The following NAPEPLD variants were observed in gnomAD, a reference collection of about 807,000 sequenced individuals.
NAPEPLD encodes N-acyl-phosphatidylethanolamine-hydrolyzing phospholipase D.
Under a neutral mutation model 38.1 loss-of-function variants are expected in NAPEPLD, and 23 were observed. The observed-to-expected ratio is 0.60, with a 90% CI of 0.43 to 0.86. NAPEPLD has a LOEUF of 0.86. Ranked by LOEUF, NAPEPLD falls within the 40% of genes least tolerant of loss-of-function variation. The pLI is 0.00. For missense variants in NAPEPLD, 411 were observed against 476.8 expected (o/e 0.86, Z 1.28); for synonymous variants, 147 against 162.0 (o/e 0.91, Z 0.71).
At position 103,103,528 on chromosome 7, in the gene NAPEPLD, C is replaced by T; in HGVS notation, c.1083G>A (p.Leu361=). The T allele has an allele frequency of 6.3e-7, 1 of 1,592,880 alleles. No homozygotes were observed. The highest frequency in any genetic ancestry group is 8.5e-7 in the Non-Finnish European group (1 of 1,174,460). ...GTCCGTATCTCTCTAGAGCTTCATT[C>T]AGCTTCACTGGAGGCTCTAAGTAAT... ...NEHYLEPPVK[L]NEALERYGLN... is the part of the protein sequence containing the mutation. Residue 361 remains leucine (L), a synonymous_variant, in exon 5 of 5, where the codon CTG becomes CTA. Transcript: ENST00000465647.
intron 1 of NAPEPLD, among the ~76,000 whole-genome samples, chr7:103,133,045 A>T (rs1325371131): frequency 2.6e-5 from 4 of 152,212 alleles, no homozygotes; most frequent in Admixed American, 2.6e-4. Flanking sequence ...TTAAAAAACA[A>T]AAAACAAAAA....
chr7:103,100,902 A>G lies in NAPEPLD; in HGVS notation c.*2527T>C, dbSNP rs1802302755. ...TCAGTGTAGAAAGAACATGAGTGGTAATAAAAAATTACAGCTTACAAAAGG... is the reference window on the plus strand; with the variant it reads ...TCAGTGTAGAAAGAACATGAGTGGTGATAAAAAATTACAGCTTACAAAAGG... On this transcript the variant is annotated 3_prime_UTR_variant, in exon 5 of 5. Coordinates refer to ENST00000465647, the MANE Select transcript of NAPEPLD (RefSeq NM_001122838.3). 1.3e-5 allele frequency: 2 copies of G among 152,218 alleles called. No homozygotes were observed. The highest frequency in any genetic ancestry group is 1.3e-4 in the Admixed American group (2 of 15,280). 9.4% of individuals were successfully genotyped at this position (152,218 alleles called of 1,614,324 possible).
In NAPEPLD at chr7:103,148,956, C is replaced by A; in HGVS notation, c.-162G>T. 1 of 985,400 alleles carries A rather than the reference C, an allele frequency of 1.0e-6. No individual in the cohort carries two copies. Among genetic ancestry groups the A allele is most frequent in the Non-Finnish European group, 1.2e-6 (1 of 829,932 alleles). The allele number at this position is 985,400 out of a possible 1,614,324, so 61.0% of individuals were successfully genotyped here. On this transcript the variant is annotated 5_prime_UTR_variant, in exon 1 of 5. Transcript: ENST00000465647. ...CTTCAGAGATGCAGGCTCCGCAACTCGCGAGGTGCGAAAATTCAAATGAAG... is the reference window on the plus strand; with the variant it reads ...CTTCAGAGATGCAGGCTCCGCAACTAGCGAGGTGCGAAAATTCAAATGAAG...
At chr7:103,144,239 T>C (rs1302356628) in intron 1 of NAPEPLD, among the ~76,000 whole-genome samples, 1 of 152,216 alleles carries the variant, frequency 6.6e-6, no homozygotes, top group Non-Finnish European at 1.5e-5. Context: ...CTAAAGTTAG[T>C]AGCATTTTGC....
At chr7:103,148,001 C>T (rs1585915656) in intron 1 of NAPEPLD, 3 of 984,046 alleles carry the variant, frequency 3.0e-6, no homozygotes, top group Non-Finnish European at 3.6e-6. Context: ...TTTCTTGCAA[C>T]AAAAATCACA....
At chr7:103,114,917 T>C (rs1158927444) in intron 4 of NAPEPLD, 143 bp downstream of exon 4, 1 of 610,198 alleles carries the variant, frequency 1.6e-6, no homozygotes, top group African/African-American at 1.9e-5. Flanking sequence ...TAGTATGATT[T>C]ACCACCCTAA....
chr7:103,125,696 A>C (rs1000968466), intron 2 of NAPEPLD, among the ~76,000 whole-genome samples: 2 of 151,838 alleles, frequency 1.3e-5, no homozygotes, highest in Admixed American at 1.3e-4. Context: ...CAGCCTGGCC[A>C]AACATGGTGA....
In NAPEPLD at chr7:103,103,174, T is replaced by G. The variant is rs1329481904; in HGVS notation, c.*255A>C. The G allele has an allele frequency of 1.1e-5, 3 of 272,152 alleles. No homozygotes were observed. Among genetic ancestry groups the G allele is most frequent in the African/African-American group, 2.2e-5 (1 of 45,426 alleles). The allele number at this position is 272,152 out of a possible 1,614,324, so 16.9% of individuals were successfully genotyped here. On this transcript the variant is annotated 3_prime_UTR_variant, in exon 5 of 5. Transcript: ENST00000465647. Reference sequence around the variant, plus strand: ...AGTAAAAACATTTCCATTGCAGTGCTTATATCATGATATGAAATTTAAAAT... The same window carrying G: ...AGTAAAAACATTTCCATTGCAGTGCGTATATCATGATATGAAATTTAAAAT...
rs570878958 is a variant in NAPEPLD, at chr7:103,120,903, G to A, written c.295-680C>T. 1.3e-4 allele frequency among the ~76,000 whole-genome samples: 19 copies of A among 151,418 alleles called. No individual in the cohort carries two copies. In the South Asian group the frequency reaches 4.0e-3, roughly 32 times the overall value. On this transcript the variant is annotated intron_variant, in intron 2 of 4. Transcript: ENST00000465647. ...AATTTTTTATTTTTTGTAGAGACAG[G>A]GTCTCATTATGTTGCCCAGATTGAT...
At chr7:103,127,846 A>G (rs1487979321) in intron 2 of NAPEPLD, 1 of 152,322 alleles carries the variant, frequency 6.6e-6, no homozygotes, top group Non-Finnish European at 1.5e-5. Flanking sequence ...CATGAAATCA[A>G]CTTAACCCAA....
At position 103,120,019 on chromosome 7, in the gene NAPEPLD, G is replaced by A. The variant is rs779238523; in HGVS notation, c.499C>T (p.Arg167Cys). 8.1e-6 allele frequency: 13 copies of A among 1,614,056 alleles called. No individual in the cohort carries two copies. In the African/African-American group the frequency reaches 9.3e-5, roughly 12 times the overall value. Residue 167 changes from arginine (R) to cysteine (C), a missense_variant, in exon 3 of 5, where the codon CGT (arginine) becomes TGT (cysteine). Physicochemically the swap from Arg to Cys is radical, Grantham distance 180. Coordinates refer to ENST00000465647, the MANE Select transcript of NAPEPLD (RefSeq NM_001122838.3). ...AGTTCACTTATTGTGCACGGGGAACGACGAAATCGCTTTGGACCCATGTAC... is the reference window on the plus strand; with the variant it reads ...AGTTCACTTATTGTGCACGGGGAACAACGAAATCGCTTTGGACCCATGTAC... ...SQYMGPKRFR[R>C]SPCTISELPP...
At chr7:103,108,764 G>A (rs1054407078) in intron 4 of NAPEPLD, among the ~76,000 whole-genome samples, 1 of 152,080 alleles carries the variant, frequency 6.6e-6, no homozygotes, top group Admixed American at 6.6e-5. Flanking sequence ...ATGTAAATGG[G>A]TTAATGCCCC....
intron 4 of NAPEPLD, among the ~76,000 whole-genome samples, chr7:103,111,115 C>G (rs945150934): frequency 2.6e-5 from 4 of 152,092 alleles, no homozygotes; most frequent in African/African-American, 7.2e-5. Flanking sequence ...AGAGAGGACA[C>G]AAACAAATGG....
intron 2 of NAPEPLD, chr7:103,128,260 A>G: frequency 2.0e-6 from 1 of 510,620 alleles, no homozygotes; most frequent in Admixed American, 3.7e-5. Flanking sequence ...TCTTTCCTGT[A>G]CCTCTAAAGC....
chr7:103,133,092 GT>G (rs1200992510), intron 1 of NAPEPLD, among the ~76,000 whole-genome samples: 6 of 152,102 alleles, frequency 3.9e-5, no homozygotes. Context: ...CCTCCAAAGG[GT>G]TTTTTGAGGG....
At chr7:103,148,284 T>C (rs940661285) in intron 1 of NAPEPLD, among the ~76,000 whole-genome samples, 6 of 151,936 alleles carry the variant, frequency 3.9e-5, no homozygotes, top group Admixed American at 6.6e-5. Context: ...TATTATAACA[T>C]GTATATATAA....
At chr7:103,149,390 C>T, upstream of NAPEPLD, 1 of 1,177,006 alleles carries the variant, frequency 8.5e-7, no homozygotes, top group South Asian at 1.5e-5. Context: ...GCGGCAGGCG[C>T]TCGGGTTCTT....
rs67916364 is a variant in NAPEPLD, at chr7:103,143,080, C to CA, written c.-17+5730dup. The stretch of plus-strand genomic sequence containing the variant: ...CTCTACAAAAAAAAAAACAAAAAAA[C>CA]AAAAAAACAAACACACACACGCAAA... On this transcript the variant is annotated intron_variant, in intron 1 of 4. Transcript: ENST00000465647. Among the ~76,000 whole-genome samples the CA allele has an allele frequency of 3.7e-3, 568 of 151,634 alleles. 3 individuals are homozygous for CA. The highest frequency in any genetic ancestry group is 7.2e-3 in the East Asian group (37 of 5,142).
Position 103,148,923 on chromosome 7 carries a change from C to T in NAPEPLD, c.-129G>A. On this transcript the variant is annotated 5_prime_UTR_variant, in exon 1 of 5. Coordinates refer to ENST00000465647, the MANE Select transcript of NAPEPLD (RefSeq NM_001122838.3). ...AAAAAATAATGCTGTGGCTCTTCAC[C>T]GAGGCAGCTTCAGAGATGCAGGCTC... 1.0e-6 allele frequency: 1 copy of T among 985,368 alleles called. No homozygotes were observed. Among genetic ancestry groups the T allele is most frequent in the Non-Finnish European group, 1.2e-6 (1 of 829,924 alleles). 61.0% of individuals were successfully genotyped at this position (985,368 alleles called of 1,614,324 possible).
Sources: allele counts gnomAD v4.1 joint callset (sites outside exome capture counted in the v4.1 genomes callset), GRCh38; gene constraint gnomAD v4.1.1; transcripts MANE v1.5; gene names NCBI Gene and HGNC (gene_info 2026-07-23, HGNC 2026-07-21).